FAM184A: variants seen among roughly 807,000 people sequenced by gnomAD.
The protein encoded by FAM184A is protein FAM184A.
Under a neutral mutation model 143.8 loss-of-function variants are expected in FAM184A, and 99 were observed. The observed-to-expected ratio is 0.69, with a 90% CI of 0.58 to 0.81. The LOEUF (loss-of-function observed/expected upper bound fraction) is 0.81, where lower values mean the gene tolerates loss of function less well. Among genes scored for constraint, FAM184A ranks in the 40% least tolerant of loss-of-function variants. The probability of loss-of-function intolerance (pLI) is 0.00; values close to 1 mark genes in which losing one functional copy is unlikely to be tolerated. For synonymous variants in FAM184A, 427 were observed against 446.4 expected (o/e 0.96, Z 0.55); for missense variants, 1,217 against 1,310.5 (o/e 0.93, Z 1.10).
At chr6:119,131,990 T>C (rs964815646) in intron 1 of FAM184A, among the ~76,000 whole-genome samples, 3 of 152,230 alleles carry the variant, frequency 2.0e-5, no homozygotes, top group Non-Finnish European at 4.4e-5. Flanking sequence ...TAGTTTTTAA[T>C]ACTCAAATCT....
intron 1 of FAM184A, among the ~76,000 whole-genome samples, chr6:119,139,488 T>C (rs183227626): frequency 1.5e-4 from 23 of 152,218 alleles, no homozygotes; most frequent in African/African-American, 5.5e-4. Context: ...GGGAGAAAAA[T>C]TAGGCACTTT....
chr6:119,131,099 T>C (rs552244345), intron 1 of FAM184A, among the ~76,000 whole-genome samples: 165 of 152,196 alleles, frequency 1.1e-3, no homozygotes, highest in African/African-American at 3.8e-3. Context: ...CCTCAGGTGA[T>C]CCACCCTTCT....
At chr6:119,062,260 T>C (rs950680030) in intron 1 of FAM184A, among the ~76,000 whole-genome samples, 1 of 152,224 alleles carries the variant, frequency 6.6e-6, no homozygotes, top group African/African-American at 2.4e-5. Context: ...GCATAATGTA[T>C]GTATAGTGCT....
chr6:119,128,479 C>G (rs1789433694), intron 1 of FAM184A, among the ~76,000 whole-genome samples: 1 of 152,066 alleles, frequency 6.6e-6, no homozygotes, highest in African/African-American at 2.4e-5. Context: ...GTTTGAGACT[C>G]CTTCTAAGCA....
intron 1 of FAM184A, among the ~76,000 whole-genome samples, chr6:119,069,550 C>T (rs116650349): frequency 0.031 from 4,781 of 152,222 alleles, 108 homozygotes; most frequent in African/African-American, 0.063. Context: ...CCAAATGCGA[C>T]ACTTCATTTT....
chr6:119,063,200 CAGTT>C (rs1398067623), intron 1 of FAM184A, among the ~76,000 whole-genome samples: 22 of 152,082 alleles, frequency 1.4e-4, no homozygotes, highest in Admixed American at 1.0e-3. Flanking sequence ...AATGAATAAT[CAGTT>C]AGAAAAGACA....
intron 6 of FAM184A, 111 bp from the exon 7 acceptor site, chr6:119,006,719 G>T: frequency 2.4e-6 from 2 of 823,328 alleles, no homozygotes; most frequent in African/African-American, 1.8e-5. Flanking sequence ...CTGAATGGAT[G>T]ATTTCCTGAT....
At chr6:119,115,557 C>T (rs1321613960) in intron 1 of FAM184A, among the ~76,000 whole-genome samples, 1 of 152,164 alleles carries the variant, frequency 6.6e-6, no homozygotes, top group African/African-American at 2.4e-5. Flanking sequence ...TTTTAAAAGA[C>T]TGATGATGCC....
chr6:119,003,016 C>G lies in FAM184A; in HGVS notation c.1971G>C (p.Arg657Ser). ...ACTTCTTATCCTCTTCATGTTGAAG[C>G]CTTAACTCTTCACGAAGTTTAGAAC... ...QECSKLREEL[R>S]LQHEEDKKSA... is the part of the protein sequence containing the mutation. Residue 657 changes from arginine (R) to serine (S), a missense_variant, in exon 9 of 18, where the codon AGG becomes AGC. Physicochemically the swap from Arg to Ser is moderately radical, Grantham distance 110. Coordinates refer to ENST00000338891, the MANE Select transcript of FAM184A (RefSeq NM_024581.6). The G allele has an allele frequency of 2.5e-6, 4 of 1,609,598 alleles. No homozygotes were observed. Among genetic ancestry groups the G allele is most frequent in the Non-Finnish European group, 3.4e-6 (4 of 1,178,786 alleles).
chr6:119,130,003 C>A (rs1789491210), intron 1 of FAM184A, among the ~76,000 whole-genome samples: 1 of 151,990 alleles, frequency 6.6e-6, no homozygotes, highest in African/African-American at 2.4e-5. Context: ...TCCTAGCATC[C>A]ACAGCAAGAT....
At chr6:119,040,256 G>A (rs964653819) in intron 1 of FAM184A, among the ~76,000 whole-genome samples, 1 of 152,152 alleles carries the variant, frequency 6.6e-6, no homozygotes. Flanking sequence ...TGGATTTGCC[G>A]CCGGTAACTC....
At chr6:119,100,230 T>C (rs1788604854) in intron 1 of FAM184A, among the ~76,000 whole-genome samples, 4 of 152,152 alleles carry the variant, frequency 2.6e-5, no homozygotes, top group East Asian at 1.9e-4. Flanking sequence ...AGAAATGAAA[T>C]GGTACAGGAA....
intron 1 of FAM184A, among the ~76,000 whole-genome samples, chr6:119,084,865 C>T (rs1368214198): frequency 6.6e-6 from 1 of 152,232 alleles, no homozygotes; most frequent in Non-Finnish European, 1.5e-5. Context: ...ATGGCTTGCA[C>T]CCTCTGAAGC....
At chr6:119,004,627 T>C (rs1216355464) in intron 7 of FAM184A, among the ~76,000 whole-genome samples, 4 of 152,154 alleles carry the variant, frequency 2.6e-5, no homozygotes, top group Non-Finnish European at 5.9e-5. Context: ...ATTATTGGGG[T>C]AGGTTAAAGG....
intron 15 of FAM184A, 44 bp from the exon 16 acceptor site, chr6:118,964,815 A>G: frequency 9.5e-7 from 1 of 1,050,764 alleles, no homozygotes. Context: ...TTTTCTATGG[A>G]ATATTTTAAA....
chr6:118,992,850 A>G (rs1043529701), intron 9 of FAM184A, among the ~76,000 whole-genome samples: 15 of 152,186 alleles, frequency 9.9e-5, no homozygotes, highest in African/African-American at 3.6e-4. Context: ...GAATCACTTG[A>G]GCCCAGGGGG....
intron 13 of FAM184A, 112 bp from the exon 14 acceptor site, chr6:118,974,686 A>T (rs1318839160): frequency 1.6e-5 from 14 of 893,044 alleles, no homozygotes; most frequent in Non-Finnish European, 2.0e-5. Flanking sequence ...TAGAAAATTT[A>T]TGTAAACAGC....
intron 1 of FAM184A, among the ~76,000 whole-genome samples, chr6:119,092,304 ATTTCTTATTG>A (rs1788392488): frequency 6.6e-6 from 1 of 151,964 alleles, no homozygotes; most frequent in South Asian, 2.1e-4. Context: ...CACCTGGCTA[ATTTCTTATTG>A]TTTCTAGAGA....
chr6:119,115,673 G>C (rs1339131381), intron 1 of FAM184A, among the ~76,000 whole-genome samples: 1 of 152,122 alleles, frequency 6.6e-6, no homozygotes, highest in Non-Finnish European at 1.5e-5. Flanking sequence ...TAAGAGAGCA[G>C]GGTATATGGC....
Sources: gnomAD v4.1 joint callset for allele counts (sites outside exome capture counted in the v4.1 genomes callset) on GRCh38, gnomAD v4.1.1 for gene constraint, MANE v1.5 for transcripts, NCBI Gene and HGNC (gene_info 2026-07-23, HGNC 2026-07-21) for gene names.